Variants in SORL1 observed in about 807,000 individuals in gnomAD.
The protein encoded by SORL1 is sortilin-related receptor.
SORL1 carries 127 observed loss-of-function variants against 273.7 expected under a neutral mutation model. That is an observed-to-expected ratio of 0.46 (90% CI 0.40 to 0.54). SORL1 has a LOEUF of 0.54. Among genes scored for constraint, SORL1 ranks in the 20% least tolerant of loss-of-function variants. The pLI, the probability that SORL1 is intolerant of heterozygous loss-of-function variation, is 0.00. For missense variants in SORL1, 2,494 were observed against 2,846.1 expected, an observed-to-expected ratio of 0.88 and a Z score of 2.81; for synonymous variants, 1,031 against 1,067.4, an observed-to-expected ratio of 0.97 and a Z score of 0.66.
At position 121,596,249 on chromosome 11, in the gene SORL1, G is replaced by GC. The variant is rs1863293482; in HGVS notation, c.4519+479dup. ...GTAATTATGGTTGGTGAGATAGTGT[G>GC]CCGAGCCACATGGGGAATAATCACA... On this transcript the variant is annotated intron_variant, in intron 32 of 47. Coordinates refer to ENST00000260197, the MANE Select transcript of SORL1 (RefSeq NM_003105.6). This position sits in a 1 kb window ranked among gnomAD's most constrained non-coding sequence, Gnocchi z 4.3. Among the ~76,000 whole-genome samples the GC allele has an allele frequency of 6.6e-6, 1 of 152,174 alleles. No individual in the cohort carries two copies. The highest frequency in any genetic ancestry group is 2.1e-4 in the South Asian group (1 of 4,818).
intron 6 of SORL1, among the ~76,000 whole-genome samples, chr11:121,509,687 G>A (rs1364509748): frequency 6.6e-6 from 1 of 152,100 alleles, no homozygotes; most frequent in Admixed American, 6.5e-5. Context: ...ATGTCGGCCA[G>A]GATGATCTTG....
chr11:121,524,993 G>A (rs974509936), intron 11 of SORL1, among the ~76,000 whole-genome samples: 1 of 150,548 alleles, frequency 6.6e-6, no homozygotes, highest in Non-Finnish European at 1.5e-5. Context: ...CAGATAAGGG[G>A]ACAGTACACT....
Position 121,631,549 on chromosome 11 carries a change from T to C in SORL1, c.*1986T>C, listed in dbSNP as rs1226054730. ...CACTAGGAAGTGTATTTTCTTTTCT[T>C]TTTCTGCCAACTTTTTGGTGGCATT... On this transcript the variant is annotated 3_prime_UTR_variant, in exon 48 of 48. Transcript: ENST00000260197. 3.3e-5 allele frequency: 5 copies of C among 152,228 alleles called. No individual in the cohort carries two copies. Among genetic ancestry groups the C allele is most frequent in the Non-Finnish European group, 5.9e-5 (4 of 68,048 alleles). 9.4% of individuals were successfully genotyped at this position (152,228 alleles called of 1,614,324 possible). A position where few individuals can be genotyped will look rare whatever the true frequency, so the allele number is the denominator to read the frequency against.
intron 12 of SORL1, among the ~76,000 whole-genome samples, chr11:121,539,331 C>T (rs964382756): frequency 1.3e-5 from 2 of 152,210 alleles, no homozygotes; most frequent in Admixed American, 6.5e-5. Flanking sequence ...ACCTCCTTTT[C>T]GTCTGAGTGC....
chr11:121,540,157 A>G (rs1036547142), intron 12 of SORL1, among the ~76,000 whole-genome samples: 1 of 152,176 alleles, frequency 6.6e-6, no homozygotes, highest in African/African-American at 2.4e-5. Flanking sequence ...TGAACTCATC[A>G]GGAACTTTTC....
intron 40 of SORL1, chr11:121,614,389 T>C (rs1863610460): frequency 6.5e-6 from 1 of 153,836 alleles, no homozygotes; most frequent in South Asian, 2.0e-4. Flanking sequence ...ATCAAATATT[T>C]TTGAAACAAC....
In SORL1 at chr11:121,551,527, A is replaced by G. The variant is rs17125449; in HGVS notation, c.2266+857A>G. ...AGTTGCTTTTCTTCACTCTGTTTCCAGTTCTTATTCATTTAAAGCTTCTTT... is the reference window on the plus strand; with the variant it reads ...AGTTGCTTTTCTTCACTCTGTTTCCGGTTCTTATTCATTTAAAGCTTCTTT... On this transcript the variant is annotated intron_variant, in intron 16 of 47. Coordinates refer to ENST00000260197, the MANE Select transcript of SORL1 (RefSeq NM_003105.6). 9.2e-3 allele frequency among the ~76,000 whole-genome samples: 1,397 copies of G among 151,980 alleles called. 27 individuals carry two copies. The highest frequency in any genetic ancestry group is 0.032 in the African/African-American group (1,312 of 41,464).
At chr11:121,615,182 G>T in intron 41 of SORL1, 127 bp downstream of exon 41, 1 of 706,830 alleles carries the variant, frequency 1.4e-6, no homozygotes, top group South Asian at 2.4e-5. Flanking sequence ...CTTGGATATA[G>T]GCCTTTCTTT....
intron 2 of SORL1, among the ~76,000 whole-genome samples, chr11:121,473,451 G>T (rs1485720778): frequency 6.6e-6 from 1 of 152,216 alleles, no homozygotes; most frequent in Non-Finnish European, 1.5e-5. Context: ...ATCAACAAAA[G>T]AATTAATAGA....
Position 121,545,331 on chromosome 11 carries a change from CA to C in SORL1, c.1956del (p.Lys652AsnfsTer39). On this transcript the variant is annotated frameshift_variant, in exon 14 of 48. Coordinates refer to ENST00000260197, the MANE Select transcript of SORL1 (RefSeq NM_003105.6). LOFTEE classifies it high-confidence loss of function. Reference protein sequence around the residue: ...ECLLGHKTVFKRRTPHATCFN... With the variant: ...ECLLGHKTVFXRRTPHATCFN... Reference sequence around the variant, plus strand: ...GTTTGCTGGGACACAAGACTGTTTTCAAACGGCGGACCCCCCATGCCACATG... The same window carrying C: ...GTTTGCTGGGACACAAGACTGTTTTCAACGGCGGACCCCCCATGCCACATG... The C allele has an allele frequency of 6.2e-7, 1 of 1,614,164 alleles. No individual in the cohort carries two copies. The highest frequency in any genetic ancestry group is 8.5e-7 in the Non-Finnish European group (1 of 1,180,010).
intron 2 of SORL1, among the ~76,000 whole-genome samples, chr11:121,470,551 T>G (rs1290370748): frequency 6.6e-6 from 1 of 152,246 alleles, no homozygotes; most frequent in Non-Finnish European, 1.5e-5. Context: ...AGCTGGGTAT[T>G]TGTGATCTTT....
At chr11:121,521,192 A>G (rs1862037916) in intron 9 of SORL1, among the ~76,000 whole-genome samples, 1 of 152,060 alleles carries the variant, frequency 6.6e-6, no homozygotes, top group Admixed American at 6.5e-5. Flanking sequence ...TATATAATGT[A>G]TCTGTGGCCC....
At chr11:121,461,818 G>A (rs574818179) in intron 1 of SORL1, among the ~76,000 whole-genome samples, 2 of 152,244 alleles carry the variant, frequency 1.3e-5, no homozygotes, top group Admixed American at 6.5e-5. Context: ...TAGGCCTTTC[G>A]CTAATGTTAA....
chr11:121,471,380 G>A lies in SORL1; in HGVS notation c.402+1257G>A, dbSNP rs573302621. Among the ~76,000 whole-genome samples the A allele has an allele frequency of 6.6e-5, 10 of 152,316 alleles. No homozygotes were observed. The East Asian group carries it at 1.5e-3, about 24-fold the overall frequency. On this transcript the variant is annotated intron_variant, in intron 2 of 47. Transcript: ENST00000260197. Reference sequence around the variant, plus strand: ...AGTGTATAGTTTTTACAGACACCGCGTGAGCCAGGTAAAACACATGTAAGG... The same window carrying A: ...AGTGTATAGTTTTTACAGACACCGCATGAGCCAGGTAAAACACATGTAAGG...
chr11:121,597,805 A>G (rs543402646), intron 32 of SORL1, among the ~76,000 whole-genome samples: 19 of 152,310 alleles, frequency 1.2e-4, no homozygotes, highest in African/African-American at 3.1e-4. Context: ...GTCAGCAGCT[A>G]TCCTACAGTG....
intron 42 of SORL1, among the ~76,000 whole-genome samples, chr11:121,619,489 G>A (rs1026756814): frequency 6.6e-5 from 10 of 152,136 alleles, no homozygotes; most frequent in Non-Finnish European, 1.2e-4. Context: ...TCATATACAC[G>A]TGCATATATG....
chr11:121,458,564 T>C (rs1219883727), intron 1 of SORL1, among the ~76,000 whole-genome samples: 1 of 152,238 alleles, frequency 6.6e-6, no homozygotes, highest in African/African-American at 2.4e-5. Flanking sequence ...GACTTTCCTA[T>C]GCATTTTCTA....
chr11:121,591,495 T>G (rs1863213876), intron 31 of SORL1, among the ~76,000 whole-genome samples: 1 of 152,240 alleles, frequency 6.6e-6, no homozygotes, highest in African/African-American at 2.4e-5. Context: ...AAATTGGAAT[T>G]AATGTGGAAC....
At chr11:121,459,495 C>T (rs1308482130) in intron 1 of SORL1, among the ~76,000 whole-genome samples, 2 of 152,118 alleles carry the variant, frequency 1.3e-5, no homozygotes, top group East Asian at 1.9e-4. Flanking sequence ...CCAGGGGGAC[C>T]GTGGAGGGCC....
Sources: allele counts gnomAD v4.1 joint callset (sites outside exome capture counted in the v4.1 genomes callset), GRCh38; gene constraint gnomAD v4.1.1; non-coding constraint Gnocchi (gnomAD v3.1); transcripts MANE v1.5; gene names NCBI Gene and HGNC (gene_info 2026-07-23, HGNC 2026-07-21).